STK33: variants seen among roughly 807,000 people sequenced by gnomAD.
The protein encoded by STK33 is serine/threonine-protein kinase 33.
A neutral mutation model predicts 58.0 loss-of-function variants in STK33; 52 were observed. That is an observed-to-expected ratio of 0.90 (90% CI 0.72 to 1.13). STK33 has a LOEUF of 1.13. STK33 is among the 50% of genes most tolerant of loss of function. The pLI is 0.00. For missense variants in STK33, 630 were observed against 604.2 expected, an observed-to-expected ratio of 1.04 and a Z score of -0.45; for synonymous variants, 215 against 200.1, an observed-to-expected ratio of 1.07 and a Z score of -0.63.
the STK33 span, among the ~76,000 whole-genome samples, chr11:8,378,389 A>ATG: frequency 1.6e-4 from 24 of 152,028 alleles, no homozygotes; most frequent in Non-Finnish European, 2.9e-4. Context: ...ATGGTGGTGC[A>ATG]TGCCTGTAAT....
the STK33 span, among the ~76,000 whole-genome samples, chr11:8,339,068 G>A: frequency 6.6e-6 from 1 of 152,150 alleles, no homozygotes; most frequent in East Asian, 1.9e-4. Context: ...ACAGACAGAT[G>A]GAAGCAAGCA....
chr11:8,533,393 A>T (rs939142709), intron 1 of STK33: 3 of 152,266 alleles, frequency 2.0e-5, no homozygotes, highest in Non-Finnish European at 4.4e-5. Flanking sequence ...AGTGTGCGTA[A>T]GCAACAGTTA....
At chr11:8,524,038 A>T (rs1306409393) in intron 1 of STK33, among the ~76,000 whole-genome samples, 1 of 152,204 alleles carries the variant, frequency 6.6e-6, no homozygotes, top group African/African-American at 2.4e-5. Flanking sequence ...GCTCTCTGAA[A>T]CATGTGCTGT....
At chr11:8,369,732 C>A in the STK33 span, among the ~76,000 whole-genome samples, 1 of 152,186 alleles carries the variant, frequency 6.6e-6, no homozygotes, top group Non-Finnish European at 1.5e-5. Flanking sequence ...ATTCTGAACT[C>A]TCACTGCTTG....
chr11:8,464,386 T>C (rs1947918947), intron 7 of STK33, among the ~76,000 whole-genome samples: 1 of 152,188 alleles, frequency 6.6e-6, no homozygotes, highest in East Asian at 1.9e-4. Flanking sequence ...AGCTAAGATA[T>C]CTCTAGCCCA....
At chr11:8,461,704 GACATGAGC>G in intron 8 of STK33, 93 bp downstream of exon 8, 1 of 835,518 alleles carries the variant, frequency 1.2e-6, no homozygotes, top group Non-Finnish European at 1.8e-6. Context: ...CATGGCCAAG[GACATGAGC>G]AACTGTGCCC....
chr11:8,346,379 A>G, the STK33 span, among the ~76,000 whole-genome samples: 4 of 152,202 alleles, frequency 2.6e-5, no homozygotes, highest in African/African-American at 9.6e-5. Flanking sequence ...CTCCCAGGGT[A>G]CAGGGCAGGG....
At chr11:8,417,747 C>A (rs1046874126) in intron 14 of STK33, among the ~76,000 whole-genome samples, 1 of 152,004 alleles carries the variant, frequency 6.6e-6, no homozygotes, top group African/African-American at 2.4e-5. Flanking sequence ...CAAGTCAAAA[C>A]AATGTGGTGT....
At chr11:8,465,801 T>C (rs1948112611) in intron 6 of STK33, 1 of 153,892 alleles carries the variant, frequency 6.5e-6, no homozygotes, top group Non-Finnish European at 1.4e-5. Context: ...ATTAGTCCGT[T>C]TTCACGCTGC....
chr11:8,538,769 C>A (rs1955260537), intron 1 of STK33, among the ~76,000 whole-genome samples: 1 of 152,148 alleles, frequency 6.6e-6, no homozygotes, highest in Non-Finnish European at 1.5e-5. Flanking sequence ...ATATGCATGT[C>A]TCTAAAGAAT....
Position 8,397,015 on chromosome 11 carries a change from C to T in STK33, c.1345-4305G>A, listed in dbSNP as rs542535756. Among the ~76,000 whole-genome samples, 499 of 152,338 alleles carry T rather than the reference C, an allele frequency of 3.3e-3. 3 individuals carry two copies. The highest frequency in any genetic ancestry group is 4.3e-3 in the Non-Finnish European group (290 of 68,032). ...GCAGCTCAAGGAGGCCTGCCTGCCT[C>T]TGTAGACTCCACCTCTGGGGGCAGG... On this transcript the variant is annotated intron_variant, in intron 15 of 15. Coordinates refer to ENST00000687296, the MANE Select transcript of STK33 (RefSeq NM_001352389.2).
chr11:8,576,372 T>C (rs1475863723), intron 1 of STK33, among the ~76,000 whole-genome samples: 1 of 152,202 alleles, frequency 6.6e-6, no homozygotes, highest in African/African-American at 2.4e-5. Flanking sequence ...AAGACTTCAT[T>C]TCCTTTTGGA....
intron 1 of STK33, among the ~76,000 whole-genome samples, chr11:8,572,627 C>T (rs1957904245): frequency 6.6e-6 from 1 of 151,832 alleles, no homozygotes. Flanking sequence ...CTGCGTTCCC[C>T]AGGCTGGTCT....
chr11:8,508,763 T>C (rs1180031382), intron 1 of STK33, among the ~76,000 whole-genome samples: 3 of 152,166 alleles, frequency 2.0e-5, no homozygotes, highest in Non-Finnish European at 4.4e-5. Flanking sequence ...ATGTGGAGAA[T>C]GGGTTTCTCC....
At chr11:8,541,976 C>A (rs981559189) in intron 1 of STK33, among the ~76,000 whole-genome samples, 1 of 152,140 alleles carries the variant, frequency 6.6e-6, no homozygotes, top group Non-Finnish European at 1.5e-5. Flanking sequence ...GCAAAGAGAA[C>A]AGTCTCTATA....
intron 1 of STK33, among the ~76,000 whole-genome samples, chr11:8,518,729 T>G (rs1280044869): frequency 6.6e-6 from 1 of 151,876 alleles, no homozygotes; most frequent in Non-Finnish European, 1.5e-5. Context: ...CCAACAAAGA[T>G]CAAAAGAGAC....
At chr11:8,447,037 G>C (rs999171114) in intron 11 of STK33, among the ~76,000 whole-genome samples, 2 of 152,104 alleles carry the variant, frequency 1.3e-5, no homozygotes, top group South Asian at 2.1e-4. Context: ...AGGCAACCTA[G>C]AGAATGGGAG....
intron 1 of STK33, chr11:8,533,347 C>A (rs536208683): frequency 6.6e-6 from 1 of 152,278 alleles, no homozygotes; most frequent in African/African-American, 2.4e-5. Context: ...ATGTTTGTTA[C>A]CTTAGGCAGA....
intron 15 of STK33, among the ~76,000 whole-genome samples, chr11:8,397,393 G>A (rs572196476): frequency 6.6e-6 from 1 of 152,224 alleles, no homozygotes; most frequent in Non-Finnish European, 1.5e-5. Context: ...AGACCTGCAG[G>A]TGAGGGTCCT....
Sources: allele counts gnomAD v4.1 joint callset (sites outside exome capture counted in the v4.1 genomes callset), GRCh38; gene constraint gnomAD v4.1.1; transcripts MANE v1.5; gene names NCBI Gene and HGNC (gene_info 2026-07-23, HGNC 2026-07-21).